DYNC2H1: variants seen among roughly 807,000 people sequenced by gnomAD.
The protein encoded by DYNC2H1 is cytoplasmic dynein 2 heavy chain 1.
A neutral mutation model predicts 570.0 loss-of-function variants in DYNC2H1; 410 were observed. The ratio of observed to expected loss-of-function variants is 0.72; its 90% CI spans 0.66 to 0.78. The LOEUF is 0.78. DYNC2H1 is among the 30% of genes least tolerant of loss of function. The pLI, the probability that DYNC2H1 is intolerant of heterozygous loss-of-function variation, is 0.00. For missense variants in DYNC2H1, 4,865 were observed against 5,046.4 expected, an observed-to-expected ratio of 0.96 and a Z score of 1.09; for synonymous variants, 1,688 against 1,677.6, an observed-to-expected ratio of 1.01 and a Z score of -0.15.
chr11:103,284,538 A>G (rs1866272499), intron 73 of DYNC2H1, among the ~76,000 whole-genome samples: 1 of 148,398 alleles, frequency 6.7e-6, no homozygotes, highest in Non-Finnish European at 1.5e-5. Flanking sequence ...TATAATGTGT[A>G]GCACACCTAC....
rs1041289345 is a variant in DYNC2H1, at chr11:103,333,327, A to C, written c.12039+9337A>C. ...TGCCCAGGCTGGAGTGCAGTGGCAC[A>C]ATCTCAGCTCACTGCAAGCTCCGCC... On this transcript the variant is annotated intron_variant, in intron 82 of 88. Coordinates refer to ENST00000375735, the MANE Select transcript of DYNC2H1 (RefSeq NM_001377.3). Among the ~76,000 whole-genome samples the C allele has an allele frequency of 2.0e-4, 30 of 152,138 alleles. 1 individual carries two copies. The highest frequency in any genetic ancestry group is 6.8e-4 in the African/African-American group (28 of 41,428).
At chr11:103,283,371 A>G (rs1271236583) in intron 73 of DYNC2H1, among the ~76,000 whole-genome samples, 1 of 152,096 alleles carries the variant, frequency 6.6e-6, no homozygotes, top group Non-Finnish European at 1.5e-5. Context: ...GACATGGGGG[A>G]AGAAAAAGCA....
intron 5 of DYNC2H1, 61 bp from the exon 6 acceptor site, chr11:103,117,570 T>C: frequency 7.7e-7 from 1 of 1,304,982 alleles, no homozygotes; most frequent in Non-Finnish European, 1.0e-6. Context: ...GCATGTATTT[T>C]ATAATTTTTC....
intron 88 of DYNC2H1, chr11:103,474,140 G>T: frequency 1.0e-5 from 2 of 199,100 alleles, no homozygotes; most frequent in South Asian, 5.9e-5. Flanking sequence ...GAAAAATCAG[G>T]GAAGTATATC....
At position 103,280,241 on chromosome 11, in the gene DYNC2H1, T is replaced by C. The variant is rs373362490; in HGVS notation, c.10696-107T>C. 1 of 1,027,168 alleles carries C rather than the reference T, an allele frequency of 9.7e-7. No homozygotes were observed. The highest frequency in any genetic ancestry group is 2.2e-5 in the Admixed American group (1 of 44,594). 63.6% of individuals were successfully genotyped at this position (1,027,168 alleles called of 1,614,324 possible). On this transcript the variant is annotated intron_variant, in intron 70 of 88. Coordinates refer to ENST00000375735, the MANE Select transcript of DYNC2H1 (RefSeq NM_001377.3). The surrounding 1 kb of genome is among the most constrained non-coding windows in gnomAD (Gnocchi z 4.7). ...TTTCTTACATCGATAAAAAAGTAGG[T>C]CATATGAAGACAGAATAGAGATTTT...
chr11:103,471,778 G>T (rs760679960), intron 88 of DYNC2H1, among the ~76,000 whole-genome samples: 1 of 152,092 alleles, frequency 6.6e-6, no homozygotes, highest in Non-Finnish European at 1.5e-5. Flanking sequence ...AGAGTCTTCC[G>T]CCAACTGGGG....
chr11:103,136,267 T>C (rs1183954804), intron 17 of DYNC2H1, among the ~76,000 whole-genome samples: 1 of 151,864 alleles, frequency 6.6e-6, no homozygotes, highest in Non-Finnish European at 1.5e-5. Context: ...TTAGGGTACA[T>C]GTGCACAATG....
rs898243290 is a variant in DYNC2H1 at position 103,395,659 on chromosome 11, C to G, written c.12157-4004C>G. On this transcript the variant is annotated intron_variant, in intron 83 of 88. Transcript: ENST00000375735. The surrounding 1 kb of genome is among the most constrained non-coding windows in gnomAD (Gnocchi z 4.3). ...ATTTTTCAGAATACCCAGCAGAATT[C>G]TTACCACATTTCATTGTCTCTGTTT... 3.9e-5 allele frequency among the ~76,000 whole-genome samples: 6 copies of G among 152,094 alleles called. No homozygotes were observed. The highest frequency in any genetic ancestry group is 7.4e-5 in the Non-Finnish European group (5 of 68,022).
At chr11:103,114,677 A>G (rs1858288526) in intron 3 of DYNC2H1, among the ~76,000 whole-genome samples, 1 of 152,230 alleles carries the variant, frequency 6.6e-6, no homozygotes, top group Non-Finnish European at 1.5e-5. Flanking sequence ...GAGCAATACA[A>G]GATTAGGTTC....
At chr11:103,421,278 G>A (rs1014767581) in intron 84 of DYNC2H1, among the ~76,000 whole-genome samples, 5 of 151,710 alleles carry the variant, frequency 3.3e-5, no homozygotes, top group African/African-American at 1.2e-4. Flanking sequence ...TTTAACCATT[G>A]ACAATATTAG....
Position 103,170,073 on chromosome 11 carries a change from C to T in DYNC2H1, c.4969-35C>T, listed in dbSNP as rs1861507105. On this transcript the variant is annotated intron_variant, in intron 32 of 88. Coordinates refer to ENST00000375735, the MANE Select transcript of DYNC2H1 (RefSeq NM_001377.3). This position sits in a 1 kb window ranked among gnomAD's most constrained non-coding sequence, Gnocchi z 4.8. ...AAATATTTGTAAATGTTGAATAGAA[C>T]ATGAATACTCTGACTTTGTGTTGTT... 1 of 1,538,966 alleles carries T rather than the reference C, an allele frequency of 6.5e-7. No homozygotes were observed. The highest frequency in any genetic ancestry group is 8.8e-7 in the Non-Finnish European group (1 of 1,136,052).
In DYNC2H1 at chr11:103,268,116, T is replaced by G. The variant is rs1317432101; in HGVS notation, c.10695+8139T>G. Among the ~76,000 whole-genome samples, 1 of 152,054 alleles carries G rather than the reference T, an allele frequency of 6.6e-6. No homozygotes were observed. Among genetic ancestry groups the G allele is most frequent in the African/African-American group, 2.4e-5 (1 of 41,432 alleles). On this transcript the variant is annotated intron_variant, in intron 70 of 88. Coordinates refer to ENST00000375735, the MANE Select transcript of DYNC2H1 (RefSeq NM_001377.3). This position sits in a 1 kb window ranked among gnomAD's most constrained non-coding sequence, Gnocchi z 4.6. ...TTCAGTAAATTTCTGTAAGTATAAT[T>G]GCTGGTCCAAGGATTGCTTTATAAA...
intron 75 of DYNC2H1, among the ~76,000 whole-genome samples, chr11:103,296,536 A>G (rs943981385): frequency 2.0e-5 from 3 of 152,206 alleles, no homozygotes; most frequent in Admixed American, 1.3e-4. Context: ...TTGAGAAAAT[A>G]GAAGCAATAG....
At chr11:103,267,949 A>G (rs1280111487) in intron 70 of DYNC2H1, among the ~76,000 whole-genome samples, 2 of 151,960 alleles carry the variant, frequency 1.3e-5, no homozygotes, top group Non-Finnish European at 2.9e-5. Context: ...ACTGTGTGCT[A>G]TTTTATAATA....
intron 84 of DYNC2H1, among the ~76,000 whole-genome samples, chr11:103,411,931 C>CAAAGT (rs1465813586): frequency 6.6e-6 from 1 of 151,958 alleles, no homozygotes; most frequent in Non-Finnish European, 1.5e-5. Flanking sequence ...AAAATTCTTT[C>CAAAGT]AAAGTATGAA....
At chr11:103,382,980 C>G (rs537601065) in intron 83 of DYNC2H1, among the ~76,000 whole-genome samples, 16 of 152,268 alleles carry the variant, frequency 1.1e-4, no homozygotes, top group African/African-American at 3.9e-4. Context: ...TCCCCTAGAG[C>G]TAGAGGAACA....
rs189622545 is a variant in DYNC2H1, at chr11:103,168,614, A to T, written c.4763-141A>T. On this transcript the variant is annotated intron_variant, in intron 31 of 88. Transcript: ENST00000375735. ...AGATTTGACTTTTTTAGCTTATGTG[A>T]TTTGTATTACTATACCATTCATATG... 7.1e-4 allele frequency: 588 copies of T among 832,000 alleles called. 3 individuals carry two copies. The African/African-American group carries it at 9.4e-3, about 13-fold the overall frequency. The allele number at this position is 832,000 out of a possible 1,614,324, so 51.5% of individuals were successfully genotyped here. A position where few individuals can be genotyped will look rare whatever the true frequency, so the allele number is the denominator to read the frequency against.
intron 81 of DYNC2H1, among the ~76,000 whole-genome samples, chr11:103,321,712 T>G (rs1480474740): frequency 6.6e-6 from 1 of 152,126 alleles, no homozygotes; most frequent in Non-Finnish European, 1.5e-5. Context: ...TTTGTGTATT[T>G]TTTTCAGCCA....
At position 103,282,213 on chromosome 11, in the gene DYNC2H1, A is replaced by G. The variant is rs1357475606; in HGVS notation, c.10796A>G (p.Asp3599Gly). 2.5e-6 allele frequency: 4 copies of G among 1,608,570 alleles called. No individual in the cohort carries two copies. Among genetic ancestry groups the G allele is most frequent in the Non-Finnish European group, 3.4e-6 (4 of 1,177,736 alleles). The stretch of plus-strand genomic sequence containing the variant: ...ACGTTTACAGGTGTGGTTGTTGGAG[A>G]CATGTTACGGAAAGCTGTAAGTTAA... ...WDTFTGVVVG[D>G]MLRKADSQQK... The change falls in exon 72 of 89, where the codon GAC becomes GGC. Residue 3599 changes from aspartate to glycine, a missense_variant. By Grantham distance (94) the Asp-to-Gly change is moderately conservative. This residue lies in a region of DYNC2H1 where 2,401 missense variants were observed against 2,454.6 expected (regional missense o/e 0.98). Transcript: ENST00000375735.
Sources: allele counts gnomAD v4.1 joint callset (sites outside exome capture counted in the v4.1 genomes callset), GRCh38; gene constraint gnomAD v4.1.1; regional missense constraint gnomAD v4.1.1; non-coding constraint Gnocchi (gnomAD v3.1); transcripts MANE v1.5; gene names NCBI Gene and HGNC (gene_info 2026-07-23, HGNC 2026-07-21).